Variants in NDST3 observed in about 807,000 individuals in gnomAD.
NDST3 encodes bifunctional heparan sulfate N-deacetylase/N-sulfotransferase 3.
NDST3 carries 58 observed loss-of-function variants against 96.1 expected under a neutral mutation model. The observed-to-expected ratio is 0.60, with a 90% CI of 0.49 to 0.75. NDST3 has a LOEUF of 0.75. Among genes scored for constraint, NDST3 ranks in the 30% least tolerant of loss-of-function variants. NDST3 has a pLI of 0.00. For synonymous variants in NDST3, 333 were observed against 359.7 expected (o/e 0.93, Z 0.84); for missense variants, 788 against 1,034.2 (o/e 0.76, Z 3.27).
At position 118,240,512 on chromosome 4, in the gene NDST3, T is replaced by G; in HGVS notation, c.2119-12T>G. The G allele has an allele frequency of 6.3e-7, 1 of 1,579,456 alleles. No homozygotes were observed. Among genetic ancestry groups the G allele is most frequent in the South Asian group, 1.2e-5 (1 of 86,060 alleles). The stretch of plus-strand genomic sequence containing the variant: ...GTTCAGATTAGTTTAATTATCCACC[T>G]TTTCATCATAGCATCAGCGATCACA... On this transcript the variant is annotated splice_polypyrimidine_tract_variant and intron_variant, in intron 10 of 13. Transcript: ENST00000296499.
At chr4:118,072,694 T>A (rs184490382) in intron 2 of NDST3, among the ~76,000 whole-genome samples, 79 of 152,270 alleles carry the variant, frequency 5.2e-4, no homozygotes, top group African/African-American at 1.8e-3. Flanking sequence ...TGACTTTCTC[T>A]CTTCGTATTT....
At chr4:118,201,274 G>T (rs987958125) in intron 6 of NDST3, among the ~76,000 whole-genome samples, 1 of 152,208 alleles carries the variant, frequency 6.6e-6, no homozygotes, top group East Asian at 1.9e-4. Flanking sequence ...TTGGTAGAAT[G>T]ATTTATTTTC....
At chr4:118,243,433 G>A (rs1446566150) in intron 12 of NDST3, among the ~76,000 whole-genome samples, 5 of 152,128 alleles carry the variant, frequency 3.3e-5, no homozygotes, top group Non-Finnish European at 7.4e-5. Flanking sequence ...TTTATACTTT[G>A]CTGTTATTAT....
intron 10 of NDST3, among the ~76,000 whole-genome samples, chr4:118,238,470 G>A (rs1740824850): frequency 6.6e-6 from 1 of 152,096 alleles, no homozygotes; most frequent in Non-Finnish European, 1.5e-5. Flanking sequence ...ACCACCAGTT[G>A]GAAGGGTTTA....
intron 2 of NDST3, among the ~76,000 whole-genome samples, chr4:118,061,189 T>A (rs372241486): frequency 9.2e-5 from 14 of 152,148 alleles, no homozygotes; most frequent in African/African-American, 3.1e-4. Context: ...TCCTTGCTCC[T>A]GTTTCAGAAT....
At chr4:118,150,326 G>T (rs956801242) in intron 6 of NDST3, among the ~76,000 whole-genome samples, 1 of 152,146 alleles carries the variant, frequency 6.6e-6, no homozygotes, top group African/African-American at 2.4e-5. Flanking sequence ...ATAAGCACGG[G>T]CAAGGACTTC....
chr4:118,224,247 T>C (rs1739726894), intron 6 of NDST3, among the ~76,000 whole-genome samples: 1 of 152,112 alleles, frequency 6.6e-6, no homozygotes, highest in Non-Finnish European at 1.5e-5. Flanking sequence ...GTTGAATGTA[T>C]TTTTTTGTTA....
intron 10 of NDST3, among the ~76,000 whole-genome samples, chr4:118,238,215 GA>G (rs1560738902): frequency 2.5e-5 from 3 of 120,254 alleles, no homozygotes; most frequent in East Asian, 2.4e-4. Flanking sequence ...AAGAAAGAAA[GA>G]AAGAAAGAAA....
chr4:118,070,916 C>A (rs146918703), intron 2 of NDST3, among the ~76,000 whole-genome samples: 3,775 of 151,912 alleles, frequency 0.025, 54 homozygotes, highest in Non-Finnish European at 0.032. Flanking sequence ...TTTGTCCTTG[C>A]GATAGCTTGC....
Position 118,079,875 on chromosome 4 carries a change from G to T in NDST3, c.981+24984G>T, listed in dbSNP as rs1578596264. Among the ~76,000 whole-genome samples, 5 of 152,272 alleles carry T rather than the reference G, an allele frequency of 3.3e-5. No homozygotes were observed. The South Asian group carries it at 1.0e-3, about 32-fold the overall frequency. On this transcript the variant is annotated intron_variant, in intron 2 of 13. Transcript: ENST00000296499. ...AGACATATTGAAAATGTAGCTAAAG[G>T]AACTTGCTCATAGATGGTATGTGGG...
intron 5 of NDST3, among the ~76,000 whole-genome samples, chr4:118,142,644 A>G (rs150068734): frequency 0.018 from 2,699 of 152,196 alleles, 35 homozygotes; most frequent in South Asian, 0.028. Context: ...TGATTTTGTA[A>G]CATTTGTAGC....
At chr4:118,172,659 A>G (rs1028786159) in intron 6 of NDST3, among the ~76,000 whole-genome samples, 12 of 152,068 alleles carry the variant, frequency 7.9e-5, no homozygotes, top group African/African-American at 2.9e-4. Flanking sequence ...ATATTTTTTA[A>G]TTTTTCTTTA....
At chr4:118,129,682 C>T (rs1732436810) in intron 4 of NDST3, among the ~76,000 whole-genome samples, 3 of 152,066 alleles carry the variant, frequency 2.0e-5, no homozygotes, top group Non-Finnish European at 2.9e-5. Flanking sequence ...TGAAATGTTC[C>T]ATAAATATAT....
chr4:118,158,572 G>T (rs1734865455), intron 6 of NDST3, among the ~76,000 whole-genome samples: 1 of 152,108 alleles, frequency 6.6e-6, no homozygotes, highest in Non-Finnish European at 1.5e-5. Flanking sequence ...ACAATTGATT[G>T]AAAAAAGAAA....
At chr4:118,062,180 T>A (rs1231889748) in intron 2 of NDST3, among the ~76,000 whole-genome samples, 1 of 152,186 alleles carries the variant, frequency 6.6e-6, no homozygotes, top group Non-Finnish European at 1.5e-5. Flanking sequence ...TTTAAAGACT[T>A]CCTTCAATGA....
chr4:118,094,731 G>A (rs1290690433), intron 2 of NDST3, among the ~76,000 whole-genome samples: 1 of 151,666 alleles, frequency 6.6e-6, no homozygotes, highest in Non-Finnish European at 1.5e-5. Flanking sequence ...CACTGCTCTG[G>A]GCACTGCAGA....
At chr4:118,174,636 T>C (rs1736161268) in intron 6 of NDST3, among the ~76,000 whole-genome samples, 1 of 152,158 alleles carries the variant, frequency 6.6e-6, no homozygotes, top group South Asian at 2.1e-4. Flanking sequence ...TTTTGTTTAA[T>C]GTAATTTTTG....
chr4:118,163,129 T>A (rs913937288), intron 6 of NDST3, among the ~76,000 whole-genome samples: 23 of 152,276 alleles, frequency 1.5e-4, no homozygotes, highest in African/African-American at 4.8e-4. Context: ...GTGGAGAAAT[T>A]GGAACACTTC....
intron 2 of NDST3, among the ~76,000 whole-genome samples, chr4:118,096,611 G>C (rs544085653): frequency 1.7e-3 from 261 of 151,834 alleles, no homozygotes; most frequent in African/African-American, 6.2e-3. Context: ...ATCTTCTATT[G>C]ATTCTGTTTC....
Sources: allele counts gnomAD v4.1 joint callset (sites outside exome capture counted in the v4.1 genomes callset), GRCh38; gene constraint gnomAD v4.1.1; transcripts MANE v1.5; gene names NCBI Gene and HGNC (gene_info 2026-07-23, HGNC 2026-07-21).